Variants in SPAG16 observed in about 807,000 individuals in gnomAD.
The protein encoded by SPAG16 is sperm-associated antigen 16 protein.
A neutral mutation model predicts 80.4 loss-of-function variants in SPAG16; 86 were observed. That is an observed-to-expected ratio of 1.07 (90% CI 0.90 to 1.28). The LOEUF is 1.28. SPAG16 is among the 50% of genes most tolerant of loss of function. SPAG16 has a pLI of 0.00. For missense variants in SPAG16, 870 were observed against 765.3 expected, an observed-to-expected ratio of 1.14 and a Z score of -1.61; for synonymous variants, 294 against 265.9, an observed-to-expected ratio of 1.11 and a Z score of -1.03.
At chr2:214,273,273 C>T (rs1692178051) in intron 15 of SPAG16, among the ~76,000 whole-genome samples, 1 of 152,126 alleles carries the variant, frequency 6.6e-6, no homozygotes, top group African/African-American at 2.4e-5. Flanking sequence ...GTTTCTTTTG[C>T]TGTGCAGAAG....
intron 15 of SPAG16, among the ~76,000 whole-genome samples, chr2:214,310,764 ACAATG>A (rs956555913): frequency 7.2e-5 from 11 of 152,196 alleles, no homozygotes; most frequent in Non-Finnish European, 1.5e-4. Flanking sequence ...TCTCCAGGCC[ACAATG>A]CAACTTAGGT....
At chr2:213,971,693 T>A (rs1025847867) in intron 12 of SPAG16, among the ~76,000 whole-genome samples, 2 of 152,208 alleles carry the variant, frequency 1.3e-5, no homozygotes, top group Non-Finnish European at 2.9e-5. Context: ...AAAAATATAC[T>A]GCAAAGACTT....
chr2:213,294,436 T>A (rs2062419827), intron 1 of SPAG16, among the ~76,000 whole-genome samples: 1 of 152,110 alleles, frequency 6.6e-6, no homozygotes, highest in Non-Finnish European at 1.5e-5. Context: ...AATAGATAAT[T>A]AATAAAGGAG....
intron 13 of SPAG16, among the ~76,000 whole-genome samples, chr2:214,016,679 GAA>G (rs1431583317): frequency 6.6e-6 from 1 of 152,092 alleles, no homozygotes; most frequent in East Asian, 1.9e-4. Flanking sequence ...GAAAATGTAG[GAA>G]AGAGAAAAGA....
At chr2:213,404,817 C>T (rs1024414954) in intron 9 of SPAG16, among the ~76,000 whole-genome samples, 1 of 151,930 alleles carries the variant, frequency 6.6e-6, no homozygotes, top group Non-Finnish European at 1.5e-5. Context: ...TGTTTTACTT[C>T]TAAAGGTCAT....
chr2:214,267,194 A>T (rs1436122662), intron 15 of SPAG16, among the ~76,000 whole-genome samples: 1 of 151,788 alleles, frequency 6.6e-6, no homozygotes, highest in African/African-American at 2.4e-5. Flanking sequence ...AAGATTAAAA[A>T]ATAGATAAAA....
intron 9 of SPAG16, among the ~76,000 whole-genome samples, chr2:213,478,415 A>G (rs1278617891): frequency 6.6e-6 from 1 of 152,214 alleles, no homozygotes; most frequent in East Asian, 1.9e-4. Flanking sequence ...ATGTAGCAGT[A>G]TATGTGAAAG....
intron 10 of SPAG16, among the ~76,000 whole-genome samples, chr2:213,593,124 A>C (rs2060764758): frequency 6.6e-6 from 1 of 152,140 alleles, no homozygotes; most frequent in Admixed American, 6.5e-5. Flanking sequence ...TTCTCATTCA[A>C]AGATTAGCCA....
At chr2:214,210,839 G>A (rs34804587) in intron 15 of SPAG16, among the ~76,000 whole-genome samples, 44,521 of 149,196 alleles carry the variant, frequency 0.3, 8,164 homozygotes, top group Non-Finnish European at 0.41. Context: ...ATGCGCGCGC[G>A]CACACACACA....
At chr2:214,044,913 G>T (rs1179048169) in intron 13 of SPAG16, among the ~76,000 whole-genome samples, 2 of 152,178 alleles carry the variant, frequency 1.3e-5, no homozygotes, top group African/African-American at 4.8e-5. Flanking sequence ...CCTTAACACT[G>T]TGGGCGGAAG....
intron 7 of SPAG16, among the ~76,000 whole-genome samples, chr2:213,362,477 C>A (rs913592171): frequency 2.0e-5 from 3 of 152,104 alleles, no homozygotes; most frequent in African/African-American, 7.2e-5. Context: ...AAGAAAGTAA[C>A]TTTACAGTGG....
chr2:213,598,295 C>T (rs1481482313), intron 10 of SPAG16, among the ~76,000 whole-genome samples: 1 of 152,136 alleles, frequency 6.6e-6, no homozygotes, highest in East Asian at 1.9e-4. Flanking sequence ...GAAGTTCTCC[C>T]TTGGCCTCTA....
chr2:214,052,034 A>G (rs2049674391), intron 13 of SPAG16, among the ~76,000 whole-genome samples: 2 of 152,208 alleles, frequency 1.3e-5, no homozygotes, highest in Non-Finnish European at 2.9e-5. Context: ...TACTTGTATC[A>G]TATTCTCAAA....
chr2:213,674,002 T>C (rs1419812754), intron 10 of SPAG16, among the ~76,000 whole-genome samples: 2 of 152,148 alleles, frequency 1.3e-5, no homozygotes, highest in East Asian at 3.8e-4. Flanking sequence ...TTTTAAATTA[T>C]TTCATTATTT....
chr2:214,343,449 C>G (rs1218589269), intron 15 of SPAG16, among the ~76,000 whole-genome samples: 1 of 151,828 alleles, frequency 6.6e-6, no homozygotes, highest in Non-Finnish European at 1.5e-5. Flanking sequence ...TGTATTTGGT[C>G]ATAGGAACTG....
At chr2:213,663,352 G>A (rs752465007) in intron 10 of SPAG16, among the ~76,000 whole-genome samples, 44 of 151,852 alleles carry the variant, frequency 2.9e-4, no homozygotes, top group Admixed American at 8.5e-4. Context: ...ATGTGAAAGC[G>A]TTCAACAATA....
chr2:213,861,917 G>C (rs2075483173), intron 10 of SPAG16, among the ~76,000 whole-genome samples: 1 of 152,134 alleles, frequency 6.6e-6, no homozygotes. Context: ...ATTGACTGAA[G>C]CCAATTTAAG....
At chr2:213,518,050 T>C (rs1271790548) in intron 10 of SPAG16, among the ~76,000 whole-genome samples, 1 of 152,158 alleles carries the variant, frequency 6.6e-6, no homozygotes, top group African/African-American at 2.4e-5. Context: ...ATTCACAAAC[T>C]ATGCATCTGG....
intron 10 of SPAG16, among the ~76,000 whole-genome samples, chr2:213,620,287 T>TTTTTG (rs2061729775): frequency 8.3e-6 from 1 of 120,946 alleles, no homozygotes; most frequent in African/African-American, 3.3e-5. Context: ...TTGAGTTTTT[T>TTTTTG]TTTTTTTTTT....
Sources: allele counts gnomAD v4.1 joint callset (sites outside exome capture counted in the v4.1 genomes callset), GRCh38; gene constraint gnomAD v4.1.1; transcripts MANE v1.5; gene names NCBI Gene and HGNC (gene_info 2026-07-23, HGNC 2026-07-21).